Variants in VGLL4 observed in about 807,000 individuals in gnomAD.
VGLL4 encodes the protein transcription cofactor vestigial-like protein 4.
VGLL4 carries 7 observed loss-of-function variants against 21.0 expected under a neutral mutation model. That is an observed-to-expected ratio of 0.33 (90% confidence interval 0.19 to 0.63). The LOEUF is 0.63. VGLL4 is among the 20% of genes least tolerant of loss of function. The pLI, the probability that VGLL4 is intolerant of heterozygous loss-of-function variation, is 0.78. For missense variants in VGLL4, 394 were observed against 425.7 expected (o/e 0.93, Z 0.66); for synonymous variants, 222 against 173.2 (o/e 1.28, Z -2.21).
intron 2 of VGLL4, among the ~76,000 whole-genome samples, chr3:11,699,312 G>A (rs1331102217): frequency 1.3e-5 from 2 of 152,140 alleles, no homozygotes; most frequent in Non-Finnish European, 2.9e-5. Flanking sequence ...CCTGGTTTTC[G>A]AGCTCAGCAT....
intron 2 of VGLL4, among the ~76,000 whole-genome samples, chr3:11,687,550 T>A (rs1240162268): frequency 6.6e-6 from 1 of 152,142 alleles, no homozygotes; most frequent in African/African-American, 2.4e-5. Flanking sequence ...CTTCAAGCAA[T>A]CCTCCCACTT....
chr3:11,639,819 T>C (rs993848110), intron 1 of VGLL4, among the ~76,000 whole-genome samples: 2 of 151,830 alleles, frequency 1.3e-5, no homozygotes, highest in Admixed American at 1.3e-4. Flanking sequence ...GAGGTTGCAG[T>C]GAGTGGAGAT....
At chr3:11,581,555 G>A (rs951681356) in intron 2 of VGLL4, among the ~76,000 whole-genome samples, 8 of 152,128 alleles carry the variant, frequency 5.3e-5, no homozygotes, top group Non-Finnish European at 7.4e-5. Flanking sequence ...TGGGAGGAGA[G>A]GCTGCTCTGT....
At chr3:11,593,676 C>T (rs529076231) in intron 2 of VGLL4, among the ~76,000 whole-genome samples, 14 of 152,204 alleles carry the variant, frequency 9.2e-5, no homozygotes, top group African/African-American at 2.9e-4. Flanking sequence ...CAACAGGAAC[C>T]GGAGAGCCCA....
At chr3:11,678,493 G>A (rs565812906) in intron 2 of VGLL4, among the ~76,000 whole-genome samples, 2 of 152,336 alleles carry the variant, frequency 1.3e-5, no homozygotes, top group South Asian at 2.1e-4. Context: ...AACGCCACTC[G>A]TGGCAGCAAC....
In VGLL4 at chr3:11,643,741, G is replaced by A; in HGVS notation, c.-223C>T. 1 of 1,323,748 alleles carries A rather than the reference G, an allele frequency of 7.6e-7. No homozygotes were observed. The highest frequency in any genetic ancestry group is 9.6e-7 in the Non-Finnish European group (1 of 1,036,894). The allele number at this position is 1,323,748 out of a possible 1,614,324, so 82.0% of individuals were successfully genotyped here. Reference sequence around the variant, plus strand: ...CTTCAAGGGCTTACTGGTAGACGGTGTATGTACTGTATCCCCGATCGAGTA... The same window carrying A: ...CTTCAAGGGCTTACTGGTAGACGGTATATGTACTGTATCCCCGATCGAGTA... On this transcript the variant is annotated 5_prime_UTR_variant, in exon 1 of 5. Coordinates refer to ENST00000430365, the MANE Select transcript of VGLL4 (RefSeq NM_001128219.3).
chr3:11,609,248 C>T (rs1559897673), intron 1 of VGLL4, among the ~76,000 whole-genome samples: 1 of 152,152 alleles, frequency 6.6e-6, no homozygotes, highest in Non-Finnish European at 1.5e-5. Context: ...TAATGGACTA[C>T]ATCTTCCATA....
chr3:11,601,744 G>C, intron 2 of VGLL4, 89 bp downstream of exon 2: 1 of 1,391,064 alleles, frequency 7.2e-7, no homozygotes, highest in Non-Finnish European at 1.0e-6. Context: ...GTATGCAAAT[G>C]ATAACATCAG....
At chr3:11,587,524 G>A (rs564470605) in intron 2 of VGLL4, among the ~76,000 whole-genome samples, 1 of 152,120 alleles carries the variant, frequency 6.6e-6, no homozygotes, top group Non-Finnish European at 1.5e-5. Context: ...TAAAATAAAC[G>A]CAACAACAAT....
At chr3:11,594,733 C>T (rs2074590400) in intron 2 of VGLL4, among the ~76,000 whole-genome samples, 1 of 152,212 alleles carries the variant, frequency 6.6e-6, no homozygotes, top group East Asian at 1.9e-4. Flanking sequence ...TTGTAAAGCA[C>T]CTGAAATTGC....
chr3:11,692,271 T>C (rs554666563), intron 2 of VGLL4, among the ~76,000 whole-genome samples: 2 of 152,350 alleles, frequency 1.3e-5, no homozygotes, highest in East Asian at 3.9e-4. Context: ...TATGCTAATT[T>C]GATCTGATAT....
In VGLL4 at chr3:11,631,091, A is replaced by G. The variant is rs369356988; in HGVS notation, c.82+12346T>C. 2.6e-5 allele frequency among the ~76,000 whole-genome samples: 4 copies of G among 152,240 alleles called. No individual in the cohort carries two copies. In the East Asian group the frequency reaches 7.7e-4, roughly 29 times the overall value. ...CTCCAGGAGCATGCATGAATCTCAGAAACACTACGTTAGGCACAAGAAGCT... is the reference window on the plus strand; with the variant it reads ...CTCCAGGAGCATGCATGAATCTCAGGAACACTACGTTAGGCACAAGAAGCT... On this transcript the variant is annotated intron_variant, in intron 1 of 4. Coordinates refer to ENST00000430365, the MANE Select transcript of VGLL4 (RefSeq NM_001128219.3).
intron 1 of VGLL4, among the ~76,000 whole-genome samples, chr3:11,625,253 G>T (rs2075330580): frequency 6.6e-6 from 1 of 152,120 alleles, no homozygotes. Flanking sequence ...TTCATCTCTG[G>T]CAGTCCACTT....
At chr3:11,692,569 G>A (rs2076542164) in intron 2 of VGLL4, among the ~76,000 whole-genome samples, 1 of 152,152 alleles carries the variant, frequency 6.6e-6, no homozygotes, top group East Asian at 1.9e-4. Context: ...TAGGAACATG[G>A]TCCAGTCAGA....
At chr3:11,588,649 T>C (rs978396736) in intron 2 of VGLL4, among the ~76,000 whole-genome samples, 1 of 152,218 alleles carries the variant, frequency 6.6e-6, no homozygotes, top group African/African-American at 2.4e-5. Flanking sequence ...ACTGGGAAGT[T>C]AGCAGGCTGA....
intron 2 of VGLL4, chr3:11,671,333 T>G: frequency 7.2e-7 from 1 of 1,386,890 alleles, no homozygotes; most frequent in Non-Finnish European, 1.0e-6. Flanking sequence ...ATGCGTATTC[T>G]CAGTCATCAG....
At chr3:11,636,384 A>G (rs183440361) in intron 1 of VGLL4, among the ~76,000 whole-genome samples, 1 of 152,380 alleles carries the variant, frequency 6.6e-6, no homozygotes, top group African/African-American at 2.4e-5. Flanking sequence ...TAAAATAAAA[A>G]TCAAGAGCAA....
intron 2 of VGLL4, among the ~76,000 whole-genome samples, chr3:11,596,515 A>C (rs2074645765): frequency 6.6e-6 from 1 of 152,198 alleles, no homozygotes. Context: ...AGGGAGATAG[A>C]GTATGGAACG....
intron 1 of VGLL4, among the ~76,000 whole-genome samples, chr3:11,608,141 T>C (rs905742728): frequency 6.6e-6 from 1 of 152,236 alleles, no homozygotes; most frequent in Non-Finnish European, 1.5e-5. Flanking sequence ...ATTATCTTTC[T>C]TTTTCAAGAA....
Sources: allele counts gnomAD v4.1 joint callset (sites outside exome capture counted in the v4.1 genomes callset), GRCh38; gene constraint gnomAD v4.1.1; transcripts MANE v1.5; gene names NCBI Gene and HGNC (gene_info 2026-07-23, HGNC 2026-07-21).